Variants in GCSAML observed in about 807,000 individuals in gnomAD.
GCSAML encodes the protein germinal center associated signaling and motility like.
A neutral mutation model predicts 13.0 loss-of-function variants in GCSAML; 9 were observed. The observed-to-expected ratio is 0.69, with a 90% CI of 0.42 to 1.21. The LOEUF (loss-of-function observed/expected upper bound fraction) is 1.21. GCSAML is among the 50% of genes most tolerant of loss of function. The pLI is 0.00. For missense variants in GCSAML, 143 were observed against 153.4 expected, an observed-to-expected ratio of 0.93 and a Z score of 0.36; for synonymous variants, 37 against 52.9, an observed-to-expected ratio of 0.70 and a Z score of 1.31.
At position 247,576,079 on chromosome 1, in the gene GCSAML, T is replaced by C. The variant is rs920527616; in HGVS notation, c.*1697T>C. On this transcript the variant is annotated 3_prime_UTR_variant, in exon 5 of 5. Coordinates refer to ENST00000366488, the MANE Select transcript of GCSAML (RefSeq NM_145278.5). ...TACATATAATGAGAGAGTTGGAAAA[T>C]GGGATTCAAGTCTAATCATAAAATT... 6.6e-6 allele frequency: 1 copy of C among 152,172 alleles called. No individual in the cohort carries two copies. The highest frequency in any genetic ancestry group is 1.5e-5 in the Non-Finnish European group (1 of 68,036). 9.4% of individuals were successfully genotyped at this position (152,172 alleles called of 1,614,324 possible).
intron 4 of GCSAML, among the ~76,000 whole-genome samples, chr1:247,570,305 T>C (rs1369775422): frequency 6.6e-6 from 1 of 152,202 alleles, no homozygotes; most frequent in Non-Finnish European, 1.5e-5. Context: ...TGTTAGGGTA[T>C]TGATTTTAGA....
At position 247,511,893 on chromosome 1, in the gene GCSAML, C is replaced by T. The variant is rs572744867; in HGVS notation, c.-263+4660C>T. Among the ~76,000 whole-genome samples the T allele has an allele frequency of 4.6e-5, 7 of 152,314 alleles. No individual in the cohort carries two copies. In the South Asian group the frequency reaches 1.5e-3, roughly 32 times the overall value. ...AGAGGTCCGCTGTTAGTCTGATGGG[C>T]TTCCCTTTGTTGGTAACCCGACCTT... On this transcript the variant is annotated intron_variant, in intron 1 of 5. Coordinates refer to the GCSAML transcript ENST00000366489.
At chr1:247,567,734 A>G (rs979291150) in intron 4 of GCSAML, among the ~76,000 whole-genome samples, 4 of 152,188 alleles carry the variant, frequency 2.6e-5, no homozygotes, top group African/African-American at 9.7e-5. Context: ...CTAGTTCTAG[A>G]TCCTTGAGGA....
rs1006522707 is a variant in GCSAML, at chr1:247,554,600, C to T, written c.30-1807C>T. ...CACTTCACTTTATCCTTCAAATAGT[C>T]TTGTGTAGCTTGCATTATTATTTTA... is the stretch of plus-strand genomic sequence containing the variant. On this transcript the variant is annotated intron_variant, in intron 1 of 4. Coordinates refer to ENST00000366488, the MANE Select transcript of GCSAML (RefSeq NM_145278.5). 2.0e-5 allele frequency among the ~76,000 whole-genome samples: 3 copies of T among 152,078 alleles called. No individual in the cohort carries two copies. In the South Asian group the frequency reaches 6.2e-4, roughly 31 times the overall value.
chr1:247,546,485 A>G (rs1259518018), upstream of GCSAML, among the ~76,000 whole-genome samples: 1 of 151,810 alleles, frequency 6.6e-6, no homozygotes, highest in Non-Finnish European at 1.5e-5. Context: ...CAGCCTCCCG[A>G]GTAGCTGGGA....
chr1:247,548,212 T>C (rs898746953), upstream of GCSAML, among the ~76,000 whole-genome samples: 11 of 152,238 alleles, frequency 7.2e-5, no homozygotes, highest in Non-Finnish European at 1.2e-4. The surrounding 1 kb of genome is among the most constrained non-coding windows in gnomAD (Gnocchi z 5.3). Context: ...GGAGACATCA[T>C]GAATAAGCGA....
intron 2 of GCSAML, among the ~76,000 whole-genome samples, chr1:247,540,606 G>A (rs1474196656): frequency 2.0e-5 from 3 of 152,208 alleles, no homozygotes; most frequent in Admixed American, 6.5e-5. Context: ...GCATGGGCAC[G>A]AAGATGCAGC....
intron 1 of GCSAML, among the ~76,000 whole-genome samples, chr1:247,555,719 G>T (rs927324046): frequency 1.5e-4 from 23 of 152,200 alleles, no homozygotes; most frequent in Non-Finnish European, 2.9e-4. Flanking sequence ...TCAAGGAAAT[G>T]CTATGTGTGG....
At chr1:247,553,009 C>T (rs1464330745) in intron 1 of GCSAML, among the ~76,000 whole-genome samples, 1 of 152,168 alleles carries the variant, frequency 6.6e-6, no homozygotes, top group Non-Finnish European at 1.5e-5. Flanking sequence ...CTGCCTCGGC[C>T]TCCTAAAGTG....
At chr1:247,512,273 A>G (rs1041680949) in intron 1 of GCSAML, among the ~76,000 whole-genome samples, 23 of 151,528 alleles carry the variant, frequency 1.5e-4, no homozygotes, top group African/African-American at 2.4e-5. Flanking sequence ...TCAATCTCTG[A>G]TACCCTTTCT....
At chr1:247,513,724 A>C (rs1446220564) in intron 1 of GCSAML, among the ~76,000 whole-genome samples, 1 of 152,152 alleles carries the variant, frequency 6.6e-6, no homozygotes, top group Non-Finnish European at 1.5e-5. Flanking sequence ...ACCATTCCTC[A>C]GGGCACAGTC....
chr1:247,561,878 C>T (rs1668140006), intron 2 of GCSAML, among the ~76,000 whole-genome samples: 1 of 152,014 alleles, frequency 6.6e-6, no homozygotes, highest in South Asian at 2.1e-4. Flanking sequence ...GAGGGCGGCT[C>T]ACCCGGCGCC....
At chr1:247,560,448 T>C (rs954905563) in intron 2 of GCSAML, among the ~76,000 whole-genome samples, 2 of 152,208 alleles carry the variant, frequency 1.3e-5, no homozygotes, top group African/African-American at 4.8e-5. Flanking sequence ...TCTGCAGCTG[T>C]GGAGCTGAGC....
chr1:247,545,702 C>T (rs1421594590), upstream of GCSAML, among the ~76,000 whole-genome samples: 1 of 152,122 alleles, frequency 6.6e-6, no homozygotes, highest in Admixed American at 6.5e-5. Flanking sequence ...TATTCAGTAC[C>T]TTTGCCCATT....
intron 2 of GCSAML, chr1:247,538,712 T>G (rs1166638192): frequency 2.2e-6 from 1 of 455,954 alleles, no homozygotes. Context: ...AGCAGGCAGA[T>G]GGCTGCGAGC....
Position 247,552,781 on chromosome 1 carries a change from A to G in GCSAML, c.29+3561A>G, listed in dbSNP as rs61181569. Among the ~76,000 whole-genome samples, 53 of 152,302 alleles carry G rather than the reference A, an allele frequency of 3.5e-4. 1 individual carries two copies. Among genetic ancestry groups the G allele is most frequent in the African/African-American group, 1.2e-3 (51 of 41,566 alleles). ...TATATGTATATATATTTTGAGATGG[A>G]GTCTTGCTCTGTCACCCAGGCTGGA... On this transcript the variant is annotated intron_variant, in intron 1 of 4. Coordinates refer to ENST00000366488, the MANE Select transcript of GCSAML (RefSeq NM_145278.5).
intron 2 of GCSAML, among the ~76,000 whole-genome samples, chr1:247,540,784 G>C (rs1366000259): frequency 6.6e-6 from 1 of 152,120 alleles, no homozygotes; most frequent in Non-Finnish European, 1.5e-5. Flanking sequence ...CTGCACTCCG[G>C]GTTTTGCAGT....
chr1:247,552,576 T>A (rs1397695376), intron 1 of GCSAML, among the ~76,000 whole-genome samples: 7 of 152,226 alleles, frequency 4.6e-5, no homozygotes, highest in African/African-American at 1.7e-4. Context: ...TCACATACCC[T>A]CTTTAGTCTT....
intron 1 of GCSAML, among the ~76,000 whole-genome samples, chr1:247,521,411 T>C (rs774614769): frequency 4.1e-4 from 61 of 148,312 alleles, no homozygotes; most frequent in Non-Finnish European, 5.6e-4. Context: ...TCTCTTTCCA[T>C]GGTCTCCCTC....
Sources: gnomAD v4.1 joint callset for allele counts (sites outside exome capture counted in the v4.1 genomes callset) on GRCh38, gnomAD v4.1.1 for gene constraint, Gnocchi (gnomAD v3.1) non-coding constraint, MANE v1.5 for transcripts, NCBI Gene and HGNC (gene_info 2026-07-23, HGNC 2026-07-21) for gene names.